The following DNAH6 variants were observed in gnomAD, a reference collection of about 807,000 sequenced individuals.
DNAH6 encodes dynein axonemal heavy chain 6, also known as axonemal beta dynein heavy chain 6.
Under a neutral mutation model 491.4 loss-of-function variants are expected in DNAH6, and 340 were observed. The observed-to-expected ratio is 0.69, with a 90% CI of 0.63 to 0.76. The LOEUF (loss-of-function observed/expected upper bound fraction) is 0.76. Among genes scored for constraint, DNAH6 ranks in the 30% least tolerant of loss-of-function variants. The pLI is 0.00. For missense variants in DNAH6, 4,443 were observed against 4,972.2 expected, an observed-to-expected ratio of 0.89 and a Z score of 3.20; for synonymous variants, 1,603 against 1,686.1, an observed-to-expected ratio of 0.95 and a Z score of 1.21.
intron 64 of DNAH6, among the ~76,000 whole-genome samples, chr2:84,779,516 G>A (rs1034351023): frequency 6.6e-6 from 1 of 152,002 alleles, no homozygotes; most frequent in African/African-American, 2.4e-5. Context: ...CCTTTACTTT[G>A]AGCCTATTGG....
chr2:84,605,664 G>C (rs964081081), intron 20 of DNAH6, 72 bp downstream of exon 20: 1 of 979,912 alleles, frequency 1.0e-6, no homozygotes, highest in African/African-American at 1.6e-5. Context: ...TTCTGTGAGA[G>C]ATTATGATGA....
At chr2:84,570,820 CA>C (rs1681747210) in intron 11 of DNAH6, among the ~76,000 whole-genome samples, 1 of 152,156 alleles carries the variant, frequency 6.6e-6, no homozygotes, top group East Asian at 1.9e-4. Context: ...TCGCTCTTCT[CA>C]ATAAATGTTG....
At chr2:84,561,418 C>T (rs990740444) in intron 11 of DNAH6, among the ~76,000 whole-genome samples, 1 of 152,076 alleles carries the variant, frequency 6.6e-6, no homozygotes, top group African/African-American at 2.4e-5. Context: ...AACGTTAGAC[C>T]TAAAACCATA....
chr2:84,686,669 A>C, intron 44 of DNAH6, 112 bp downstream of exon 44: 2 of 656,564 alleles, frequency 3.0e-6, no homozygotes, highest in South Asian at 4.7e-5. Flanking sequence ...GTTAAGATCT[A>C]GGCCAGATGT....
In DNAH6 at chr2:84,529,176, T is replaced by C. The variant is rs569300923; in HGVS notation, c.662+10T>C. The C allele has an allele frequency of 2.0e-5, 31 of 1,514,876 alleles. No individual in the cohort carries two copies. The highest frequency in any genetic ancestry group is 2.8e-5 in the Non-Finnish European group (31 of 1,122,492). The allele number at this position is 1,514,876 out of a possible 1,614,324, so 93.8% of individuals were successfully genotyped here. On this transcript the variant is annotated intron_variant, in intron 4 of 76. Transcript: ENST00000389394. ...ATACATATAATCTAAAGTGAGTTATTTTTTATGATGCAATTTAACATAAAA... is the reference window on the plus strand; with the variant it reads ...ATACATATAATCTAAAGTGAGTTATCTTTTATGATGCAATTTAACATAAAA...
At chr2:84,801,718 T>C (rs146917052) in intron 70 of DNAH6, among the ~76,000 whole-genome samples, 3,670 of 151,968 alleles carry the variant, frequency 0.024, 76 homozygotes, top group South Asian at 0.06. Context: ...ATCCTGTCTC[T>C]ACTAAAATAC....
intron 64 of DNAH6, among the ~76,000 whole-genome samples, chr2:84,778,621 C>T (rs1200821129): frequency 6.6e-6 from 1 of 151,888 alleles, no homozygotes; most frequent in Non-Finnish European, 1.5e-5. Context: ...CCTCCTGTAC[C>T]TCCCAAGTAG....
intron 10 of DNAH6, among the ~76,000 whole-genome samples, chr2:84,555,775 T>G (rs1325621592): frequency 2.0e-5 from 3 of 152,058 alleles, no homozygotes; most frequent in Admixed American, 6.5e-5. Flanking sequence ...AATCTGAGAG[T>G]TCTCCTAGAT....
chr2:84,691,011 G>A (rs1418507305), intron 45 of DNAH6, among the ~76,000 whole-genome samples: 2 of 152,164 alleles, frequency 1.3e-5, no homozygotes, highest in African/African-American at 4.8e-5. Context: ...CCCATTGTAT[G>A]CCCCTAACGT....
At position 84,814,035 on chromosome 2, in the gene DNAH6, C is replaced by A; in HGVS notation, c.12063C>A (p.Ser4021Arg). The A allele has an allele frequency of 6.4e-7, 1 of 1,551,664 alleles. No individual in the cohort carries two copies. The highest frequency in any genetic ancestry group is 1.2e-5 in the South Asian group (1 of 84,052). The change falls in exon 75 of 77, where the codon AGC becomes AGA. Residue 4021 changes from serine to arginine, a missense_variant. Ser to Arg is a moderately radical substitution (Grantham distance 110). Coordinates refer to ENST00000389394, the MANE Select transcript of DNAH6 (RefSeq NM_001370.2). ...TAGATGAGCTGAGTTTCAAATACAG[C>A]GTAATTCCCACCTATCGGGATCAAG... ...LPIDELSFKY[S>R]VIPTYRDQAA... is the part of the protein sequence containing the mutation.
chr2:84,556,936 T>C (rs80209283), intron 10 of DNAH6, among the ~76,000 whole-genome samples: 4,339 of 152,298 alleles, frequency 0.028, 223 homozygotes, highest in African/African-American at 0.099. Context: ...CCAGAACTTA[T>C]ATAACTGTAC....
intron 14 of DNAH6, among the ~76,000 whole-genome samples, chr2:84,580,208 G>A (rs1436595906): frequency 6.6e-6 from 1 of 152,094 alleles, no homozygotes; most frequent in Non-Finnish European, 1.5e-5. Context: ...ACACAAACCC[G>A]CTTAAGTGGG....
chr2:84,760,678 G>A (rs1395536365), intron 63 of DNAH6, among the ~76,000 whole-genome samples: 1 of 152,136 alleles, frequency 6.6e-6, no homozygotes, highest in Admixed American at 6.5e-5. Flanking sequence ...AAGATGCAGA[G>A]AAAAGGGAAT....
rs147394541 is a variant in DNAH6, at chr2:84,543,146, G to A, written c.663-1087G>A. 9.1e-3 allele frequency among the ~76,000 whole-genome samples: 1,391 copies of A among 152,188 alleles called. 24 individuals carry two copies. Among genetic ancestry groups the A allele is most frequent in the African/African-American group, 0.032 (1,341 of 41,520 alleles). On this transcript the variant is annotated intron_variant, in intron 4 of 76. Coordinates refer to ENST00000389394, the MANE Select transcript of DNAH6 (RefSeq NM_001370.2). The stretch of plus-strand genomic sequence containing the variant: ...TGCATTCCATCCTGGGCAACAGAGC[G>A]AGACTCCCTCTCAAAGATAATCATA...
Position 84,579,512 on chromosome 2 carries a change from G to T in DNAH6, c.2077-15G>T. 3 of 1,612,456 alleles carry T rather than the reference G, an allele frequency of 1.9e-6. No individual in the cohort carries two copies. The highest frequency in any genetic ancestry group is 2.5e-6 in the Non-Finnish European group (3 of 1,179,128). On this transcript the variant is annotated splice_polypyrimidine_tract_variant and intron_variant, in intron 13 of 76. Coordinates refer to ENST00000389394, the MANE Select transcript of DNAH6 (RefSeq NM_001370.2). ...TATTCGACTATTTACAATTCACACG[G>T]TGTTTCTTTCTTAGGTGCTAAATTT...
At chr2:84,780,391 G>A (rs903172130) in intron 64 of DNAH6, among the ~76,000 whole-genome samples, 4 of 152,080 alleles carry the variant, frequency 2.6e-5, no homozygotes, top group African/African-American at 7.2e-5. Context: ...CAGTCTTTGA[G>A]CTCTGAAATT....
At chr2:84,505,720 C>T in the DNAH6 span, among the ~76,000 whole-genome samples, 2 of 152,168 alleles carry the variant, frequency 1.3e-5, no homozygotes, top group African/African-American at 4.8e-5. Context: ...CCCTCCACCC[C>T]ACAACAGGCC....
intron 2 of DNAH6, among the ~76,000 whole-genome samples, chr2:84,519,330 T>C (rs983246264): frequency 5.9e-5 from 9 of 152,042 alleles, no homozygotes; most frequent in African/African-American, 1.9e-4. Context: ...GTTACTAAGT[T>C]TGAGGCAGTA....
At chr2:84,471,085 C>T in the DNAH6 span, among the ~76,000 whole-genome samples, 1 of 152,134 alleles carries the variant, frequency 6.6e-6, no homozygotes, top group Non-Finnish European at 1.5e-5. Context: ...AGCAAGGAGC[C>T]AGCAAGTCTA....
Sources: allele counts gnomAD v4.1 joint callset (sites outside exome capture counted in the v4.1 genomes callset), GRCh38; gene constraint gnomAD v4.1.1; transcripts MANE v1.5; gene names NCBI Gene and HGNC (gene_info 2026-07-23, HGNC 2026-07-21).